Variants in SUMF2 observed in about 807,000 individuals in gnomAD.
SUMF2 encodes sulfatase modifying factor 2, also known as inactive C-alpha-formylglycine-generating enzyme 2.
In SUMF2, 45 loss-of-function variants were observed where a neutral mutation model predicts 44.8. The observed-to-expected ratio is 1.00, with a 90% CI of 0.79 to 1.29. The LOEUF (loss-of-function observed/expected upper bound fraction) is 1.29. SUMF2 is among the 50% of genes most tolerant of loss of function. SUMF2 has a pLI of 0.00. For missense variants in SUMF2, 418 were observed against 389.9 expected, an observed-to-expected ratio of 1.07 and a Z score of -0.61; for synonymous variants, 148 against 150.4, an observed-to-expected ratio of 0.98 and a Z score of 0.12.
At chr7:56,087,230 A>G in the SUMF2 span, among the ~76,000 whole-genome samples, 1 of 147,746 alleles carries the variant, frequency 6.8e-6, no homozygotes, top group Non-Finnish European at 1.5e-5. Context: ...TATTATTATT[A>G]TTATTATTAG....
intron 1 of SUMF2, among the ~76,000 whole-genome samples, chr7:56,065,442 T>A (rs891935783): frequency 3.9e-5 from 6 of 152,202 alleles, no homozygotes; most frequent in African/African-American, 1.4e-4. Flanking sequence ...CTTAATAATA[T>A]ATTCAGTCTG....
chr7:56,081,344 C>A, downstream of SUMF2: 1 of 1,563,986 alleles, frequency 6.4e-7, no homozygotes, highest in Non-Finnish European at 8.6e-7. The surrounding 1 kb of genome is among the most constrained non-coding windows in gnomAD (Gnocchi z 4.6). Context: ...CCCGCCCTGC[C>A]AGGCCCTGCC....
At chr7:56,083,370 T>G (rs1401327813), downstream of SUMF2, 4 of 1,614,186 alleles carry the variant, frequency 2.5e-6, no homozygotes, top group East Asian at 2.2e-5. Flanking sequence ...GTTCTCGGGC[T>G]TCAGGTCCCG....
downstream of SUMF2, chr7:56,081,780 G>C (rs781678431): frequency 1.2e-6 from 2 of 1,609,996 alleles, no homozygotes; most frequent in Admixed American, 3.3e-5. The surrounding 1 kb of genome is among the most constrained non-coding windows in gnomAD (Gnocchi z 4.6). Flanking sequence ...GAGGGGAACC[G>C]AGAATGTCAA....
At chr7:56,081,218 T>C (rs1562875550), downstream of SUMF2, 3 of 1,613,824 alleles carry the variant, frequency 1.9e-6, no homozygotes, top group Non-Finnish European at 2.5e-6. This position sits in a 1 kb window ranked among gnomAD's most constrained non-coding sequence, Gnocchi z 4.6. Context: ...GGGTCTCGGA[T>C]GACGATCTCC....
downstream of SUMF2, chr7:56,080,955 C>CCTT (rs1488057462): frequency 1.4e-6 from 2 of 1,406,640 alleles, no homozygotes; most frequent in African/African-American, 2.8e-5. Context: ...GCCAAGTGCT[C>CCTT]CTTCTGCAGA....
At chr7:56,066,100 A>G (rs1794773334) in intron 1 of SUMF2, among the ~76,000 whole-genome samples, 1 of 151,528 alleles carries the variant, frequency 6.6e-6, no homozygotes, top group South Asian at 2.1e-4. Context: ...AAAAAAAAAA[A>G]AAAAATCAAA....
At chr7:56,076,707 G>T in intron 5 of SUMF2, 127 bp from the exon 6 acceptor site, 1 of 828,586 alleles carries the variant, frequency 1.2e-6, no homozygotes. Flanking sequence ...AATAAAAGCA[G>T]GTCATTCACT....
chr7:56,064,882 CAAAAAAAAAAAAAAAA>C (rs71015175), intron 1 of SUMF2, among the ~76,000 whole-genome samples: 1 of 14,300 alleles, frequency 7.0e-5, no homozygotes, highest in African/African-American at 3.3e-4. Flanking sequence ...TACTTTATCT[CAAAAAAAAAAAAAAAA>C]AAAAAAAAAA....
Position 56,074,224 on chromosome 7 carries a change from G to A in SUMF2, c.384+6G>A. 3.1e-6 allele frequency: 5 copies of A among 1,613,592 alleles called. No individual in the cohort carries two copies. The highest frequency in any genetic ancestry group is 1.1e-5 in the South Asian group (1 of 91,056). On this transcript the variant is annotated splice_donor_region_variant and intron_variant, in intron 4 of 8. Coordinates refer to ENST00000434526, the MANE Select transcript of SUMF2 (RefSeq NM_015411.4). ...AAAAGGCATTTTGGAGGCAGGTAAG[G>A]GCTGATTCCGCTACCTCATTTTCTA...
At chr7:56,083,117 AAAAG>A (rs1475508550), downstream of SUMF2, 27 of 653,648 alleles carry the variant, frequency 4.1e-5, no homozygotes, top group African/African-American at 2.0e-4. Flanking sequence ...AAAAAAAAAA[AAAAG>A]AAAGAAAAAG....
chr7:56,087,698 G>A, the SUMF2 span: 76 of 1,613,790 alleles, frequency 4.7e-5, no homozygotes, highest in Non-Finnish European at 6.0e-5. Flanking sequence ...TGCCTCCACC[G>A]GTGACGTCGA....
At chr7:56,086,519 G>A in the SUMF2 span, among the ~76,000 whole-genome samples, 3 of 151,736 alleles carry the variant, frequency 2.0e-5, no homozygotes, top group Admixed American at 6.6e-5. Flanking sequence ...ATGGAGTTTC[G>A]CTCTCGTAGC....
chr7:56,086,925 C>T, the SUMF2 span: 48 of 1,495,282 alleles, frequency 3.2e-5, 1 homozygote, highest in Admixed American at 4.7e-4. Flanking sequence ...GGACAGCAGT[C>T]GGAGGTTCTC....
At position 56,068,173 on chromosome 7, in the gene SUMF2, A is replaced by G. The variant is rs1335672001; in HGVS notation, c.68-309A>G. On this transcript the variant is annotated intron_variant, in intron 1 of 8. Transcript: ENST00000434526. ...CTCAGCCTCCCAAGTAGCTGGGACT[A>G]CAGGCGACTGCCACCACGCCCGGCT... Among the ~76,000 whole-genome samples, 16 of 151,350 alleles carry G rather than the reference A, an allele frequency of 1.1e-4. No homozygotes were observed. The East Asian group carries it at 3.0e-3, about 28-fold the overall frequency.
rs1270759653 is a variant in SUMF2, at chr7:56,079,739, C to A, written c.*127C>A. On this transcript the variant is annotated 3_prime_UTR_variant, in exon 9 of 9. Transcript: ENST00000434526. ...GAAAGAACTTCCCCTTCCCTGTCTC[C>A]CATCCCTCTGTGGCAGGCGCCTCTC... 1 of 1,582,898 alleles carries A rather than the reference C, an allele frequency of 6.3e-7. No homozygotes were observed.
intron 3 of SUMF2, chr7:56,073,843 C>CA (rs372063409): frequency 1.7e-4 from 50 of 295,630 alleles, no homozygotes; most frequent in South Asian, 2.8e-4. Context: ...CCCATATCTA[C>CA]AAAAAAAAGA....
downstream of SUMF2, among the ~76,000 whole-genome samples, chr7:56,082,613 C>T (rs1248059070): frequency 6.6e-6 from 1 of 151,524 alleles, no homozygotes; most frequent in Non-Finnish European, 1.5e-5. Context: ...AGAGGAAGTC[C>T]AAAGAGACAA....
intron 2 of SUMF2, among the ~76,000 whole-genome samples, chr7:56,069,197 A>T (rs973535308): frequency 3.4e-4 from 51 of 152,172 alleles, no homozygotes; most frequent in African/African-American, 1.2e-3. Context: ...TGCATTTTCC[A>T]TTACACTGGG....
Sources: gnomAD v4.1 joint callset for allele counts (sites outside exome capture counted in the v4.1 genomes callset) on GRCh38, gnomAD v4.1.1 for gene constraint, Gnocchi (gnomAD v3.1) non-coding constraint, MANE v1.5 for transcripts, NCBI Gene and HGNC (gene_info 2026-07-23, HGNC 2026-07-21) for gene names.